Variants in SLC22A14 observed in about 807,000 individuals in gnomAD.
The protein encoded by SLC22A14 is solute carrier family 22 member 14, also known as organic cation transporter-like 4.
SLC22A14 carries 50 observed loss-of-function variants against 53.9 expected under a neutral mutation model. That is an observed-to-expected ratio of 0.93 (90% CI 0.74 to 1.17). SLC22A14 has a LOEUF of 1.17. Among genes scored for constraint, SLC22A14 ranks in the 50% most tolerant of loss-of-function variants. The probability of loss-of-function intolerance (pLI) is 0.00; values close to 1 mark genes in which losing one functional copy is unlikely to be tolerated. For missense variants in SLC22A14, 671 were observed against 734.7 expected (o/e 0.91, Z 1.00); for synonymous variants, 312 against 303.0 (o/e 1.03, Z -0.31).
chr3:38,307,779 G>T lies in SLC22A14; in HGVS notation c.775+59G>T. The T allele has an allele frequency of 6.3e-7, 1 of 1,578,084 alleles. No homozygotes were observed. The highest frequency in any genetic ancestry group is 1.1e-5 in the South Asian group (1 of 88,132). On this transcript the variant is annotated intron_variant, in intron 4 of 10. Coordinates refer to ENST00000448498, the MANE Select transcript of SLC22A14 (RefSeq NM_001320033.2). This position sits in a 1 kb window ranked among gnomAD's most constrained non-coding sequence, Gnocchi z 4.4. ...GGCACAGGGGCATGGCGGCATAGGC[G>T]GGTGACAAGGGGACATAGTGGCAGG...
At chr3:38,308,567 C>T (rs1704379115) in intron 4 of SLC22A14, among the ~76,000 whole-genome samples, 1 of 152,176 alleles carries the variant, frequency 6.6e-6, no homozygotes, top group Non-Finnish European at 1.5e-5. Flanking sequence ...GAGCCTTAGG[C>T]CTAGGTGGCC....
intron 5 of SLC22A14, 68 bp from the exon 6 acceptor site, chr3:38,312,931 C>T (rs575854789): frequency 4.4e-5 from 68 of 1,550,116 alleles, no homozygotes; most frequent in African/African-American, 2.4e-4. Context: ...GCTGAGGCCA[C>T]GAGAGGGCCA....
At chr3:38,304,594 G>A (rs1193227093) in intron 1 of SLC22A14, among the ~76,000 whole-genome samples, 2 of 152,068 alleles carry the variant, frequency 1.3e-5, no homozygotes, top group Non-Finnish European at 2.9e-5. Context: ...GTTTCACTAT[G>A]TTGCCTAGGC....
Position 38,307,562 on chromosome 3 carries a change from G to A in SLC22A14, c.621-4G>A, listed in dbSNP as rs531065001. ...TTGGTGCAGCCTCCCTTTGACACCT[G>A]TAGGATGGGCCGCTACCCTGCCATC... On this transcript the variant is annotated splice_region_variant and splice_polypyrimidine_tract_variant and intron_variant, in intron 3 of 10. Coordinates refer to ENST00000448498, the MANE Select transcript of SLC22A14 (RefSeq NM_001320033.2). This position sits in a 1 kb window ranked among gnomAD's most constrained non-coding sequence, Gnocchi z 4.4. The A allele has an allele frequency of 1.9e-6, 3 of 1,613,520 alleles. No individual in the cohort carries two copies. The highest frequency in any genetic ancestry group is 2.2e-5 in the South Asian group (2 of 91,030).
intron 1 of SLC22A14, among the ~76,000 whole-genome samples, chr3:38,303,555 C>T (rs1035246449): frequency 1.3e-5 from 2 of 152,020 alleles, no homozygotes; most frequent in East Asian, 3.9e-4. Flanking sequence ...TCATCTCTAT[C>T]TCTATCTTCA....
At chr3:38,283,737 G>C (rs966136011) in intron 1 of SLC22A14, among the ~76,000 whole-genome samples, 1 of 152,154 alleles carries the variant, frequency 6.6e-6, no homozygotes, top group Non-Finnish European at 1.5e-5. Flanking sequence ...GGCTGAGCCA[G>C]TAGAATCACT....
chr3:38,307,857 G>T lies in SLC22A14; in HGVS notation c.775+137G>T. 1.1e-6 allele frequency: 1 copy of T among 939,820 alleles called. No individual in the cohort carries two copies. Among genetic ancestry groups the T allele is most frequent in the South Asian group, 1.5e-5 (1 of 65,852 alleles). 58.2% of individuals were successfully genotyped at this position (939,820 alleles called of 1,614,324 possible). On this transcript the variant is annotated intron_variant, in intron 4 of 10. Transcript: ENST00000448498. The surrounding 1 kb of genome is among the most constrained non-coding windows in gnomAD (Gnocchi z 4.4). ...GGGGGCGTGGTGTAGCTGTAAGAGG[G>T]CATGGCGGGGGTGTGGCAGCGTGGG...
At chr3:38,296,188 G>A (rs116393062) in intron 1 of SLC22A14, among the ~76,000 whole-genome samples, 9,781 of 151,964 alleles carry the variant, frequency 0.064, 379 homozygotes, top group East Asian at 0.16. Flanking sequence ...CGCATGGGCG[G>A]CTGTTGAATA....
chr3:38,312,943 C>T (rs913352156), intron 5 of SLC22A14, 56 bp from the exon 6 acceptor site: 2 of 1,558,718 alleles, frequency 1.3e-6, no homozygotes, highest in Non-Finnish European at 1.7e-6. Context: ...AGAGGGCCAG[C>T]AGGGGGTCTC....
rs1421807096 is a variant in SLC22A14 at position 38,307,350 on chromosome 3, A to C, written c.613A>C (p.Thr205Pro). The change falls in exon 3 of 11, where the codon ACT becomes CCT. Residue 205 changes from threonine to proline, a missense_variant. Thr to Pro is a conservative substitution (Grantham distance 38). Coordinates refer to ENST00000448498, the MANE Select transcript of SLC22A14 (RefSeq NM_001320033.2). This position sits in a 1 kb window ranked among gnomAD's most constrained non-coding sequence, Gnocchi z 4.4. ...AGGCTCTCTCATCTTCAGGCTCATA[A>C]CTGACAAGTGAGTCCCCGGGAGTTT... Reference protein sequence around the residue: ...PIGSLIFRLITDKMGRYPAIL... With the variant: ...PIGSLIFRLIPDKMGRYPAIL... 2 of 1,612,302 alleles carry C rather than the reference A, an allele frequency of 1.2e-6. No individual in the cohort carries two copies. Among genetic ancestry groups the C allele is most frequent in the Non-Finnish European group, 1.7e-6 (2 of 1,178,366 alleles).
Position 38,313,932 on chromosome 3 carries a change from C to T in SLC22A14, c.1369C>T (p.Leu457Phe), listed in dbSNP as rs1559554700. 1 of 1,613,580 alleles carries T rather than the reference C, an allele frequency of 6.2e-7. No homozygotes were observed. Residue 457 changes from leucine to phenylalanine, a missense_variant, in exon 8 of 11, where the codon CTC becomes TTC. Leu to Phe is a conservative substitution (Grantham distance 22). Coordinates refer to ENST00000448498, the MANE Select transcript of SLC22A14 (RefSeq NM_001320033.2). ...CATCTGGTGCTTGCTTCTCCTTTTC[C>T]TCCCTGAAGGTACAGCTCATCCTTC... ...AIIWCLLLLFLPEGEDGLRLK... is the reference protein window; with the variant it reads ...AIIWCLLLLFFPEGEDGLRLK...
At chr3:38,308,431 G>A (rs1239232713) in intron 4 of SLC22A14, among the ~76,000 whole-genome samples, 1 of 152,216 alleles carries the variant, frequency 6.6e-6, no homozygotes, top group East Asian at 1.9e-4. Context: ...GGGCCACACG[G>A]CAACTAAGTG....
chr3:38,294,935 G>T (rs1217869971), intron 1 of SLC22A14, among the ~76,000 whole-genome samples: 1 of 152,184 alleles, frequency 6.6e-6, no homozygotes, highest in African/African-American at 2.4e-5. Flanking sequence ...GAGGGTGTAG[G>T]TAACTTTTTG....
intron 1 of SLC22A14, among the ~76,000 whole-genome samples, chr3:38,287,265 T>A (rs1703814760): frequency 6.6e-6 from 1 of 152,248 alleles, no homozygotes; most frequent in African/African-American, 2.4e-5. Flanking sequence ...ATAAATATAC[T>A]ACAATTTACA....
chr3:38,291,411 GC>G (rs1182997835), intron 1 of SLC22A14, among the ~76,000 whole-genome samples: 1 of 152,184 alleles, frequency 6.6e-6, no homozygotes, highest in East Asian at 1.9e-4. Flanking sequence ...TGCGGCACTG[GC>G]CCTTCAAGTA....
At chr3:38,315,074 C>A (rs1704582519) in intron 8 of SLC22A14, among the ~76,000 whole-genome samples, 1 of 152,200 alleles carries the variant, frequency 6.6e-6, no homozygotes, top group Admixed American at 6.5e-5. Flanking sequence ...GTCTAGCTGG[C>A]CGGAGAACAT....
intron 1 of SLC22A14, among the ~76,000 whole-genome samples, chr3:38,294,317 T>C (rs1200796075): frequency 6.6e-6 from 1 of 152,140 alleles, no homozygotes; most frequent in Non-Finnish European, 1.5e-5. Flanking sequence ...AGAAAGTTGG[T>C]ACATGTGGCA....
At chr3:38,297,118 C>G (rs757758286) in intron 1 of SLC22A14, among the ~76,000 whole-genome samples, 10 of 152,210 alleles carry the variant, frequency 6.6e-5, no homozygotes, top group Non-Finnish European at 1.5e-4. Flanking sequence ...TTTTCCCTCC[C>G]TCTGTGCTCT....
At position 38,302,321 on chromosome 3, in the gene SLC22A14, C is replaced by CATATATATTTAT. The variant is rs1339882662; in HGVS notation, c.1-3691_1-3680dup. Among the ~76,000 whole-genome samples the CATATATATTTAT allele has an allele frequency of 9.1e-4, 131 of 143,600 alleles. 3 individuals are homozygous for CATATATATTTAT. In the South Asian group the frequency reaches 0.026, roughly 29 times the overall value. The allele number at this position is 143,600 out of a possible 152,430, so 94.2% of individuals were successfully genotyped here. On this transcript the variant is annotated intron_variant, in intron 1 of 10. Coordinates refer to ENST00000448498, the MANE Select transcript of SLC22A14 (RefSeq NM_001320033.2). Reference sequence around the variant, plus strand: ...ATACACATATATATTTATATATATACATATATATTTATATATATATTTATA... The same window carrying CATATATATTTAT: ...ATACACATATATATTTATATATATACATATATATTTATATATATATTTATATATATATTTATA...
Sources: allele counts gnomAD v4.1 joint callset (sites outside exome capture counted in the v4.1 genomes callset), GRCh38; gene constraint gnomAD v4.1.1; non-coding constraint Gnocchi (gnomAD v3.1); transcripts MANE v1.5; gene names NCBI Gene and HGNC (gene_info 2026-07-23, HGNC 2026-07-21).